The following CAMTA1 variants were observed in gnomAD, a reference collection of about 807,000 sequenced individuals.
CAMTA1 encodes the protein calmodulin-binding transcription activator 1.
Under a neutral mutation model 170.9 loss-of-function variants are expected in CAMTA1, and 27 were observed. That is an observed-to-expected ratio of 0.16 (90% confidence interval 0.12 to 0.22). The LOEUF is 0.22. Ranked by LOEUF, CAMTA1 falls within the 10% of genes least tolerant of loss-of-function variation. The pLI, the probability that CAMTA1 is intolerant of heterozygous loss-of-function variation, is 1.00. For synonymous variants in CAMTA1, 833 were observed against 891.5 expected (o/e 0.93, Z 1.17); for missense variants, 1,619 against 2,217.2 (o/e 0.73, Z 5.42).
At chr1:6,889,375 CAT>C (rs1453490801) in intron 3 of CAMTA1, among the ~76,000 whole-genome samples, 1 of 152,148 alleles carries the variant, frequency 6.6e-6, no homozygotes, top group African/African-American at 2.4e-5. Context: ...GCAAATAAAT[CAT>C]AAGCAGAGGA....
At chr1:6,787,782 C>T (rs1186642864) in intron 1 of CAMTA1, among the ~76,000 whole-genome samples, 1 of 152,180 alleles carries the variant, frequency 6.6e-6, no homozygotes, top group East Asian at 1.9e-4. Context: ...CCTGCCCATA[C>T]GCATCGCAAC....
At position 6,785,472 on chromosome 1, in the gene CAMTA1, C is replaced by CCGG. The variant is rs1247028928; in HGVS notation, c.-46_-44dup. The CCGG allele has an allele frequency of 5.2e-4, 521 of 998,174 alleles. 2 individuals are homozygous for CCGG. Among genetic ancestry groups the CCGG allele is most frequent in the Admixed American group, 5.2e-3 (84 of 16,134 alleles). 61.8% of individuals were successfully genotyped at this position (998,174 alleles called of 1,614,324 possible). Reference sequence around the variant, plus strand: ...GCGCGGCGGCGGCGGGGTGGCTGGGCCGGCGGCGGCGGCGGTACGAGGCGC... The same window carrying CCGG: ...GCGCGGCGGCGGCGGGGTGGCTGGGCCGGCGGCGGCGGCGGCGGTACGAGGCGC... On this transcript the variant is annotated 5_prime_UTR_variant, in exon 1 of 23. Coordinates refer to ENST00000303635, the MANE Select transcript of CAMTA1 (RefSeq NM_015215.4).
intron 6 of CAMTA1, among the ~76,000 whole-genome samples, chr1:7,483,166 A>G (rs2093565168): frequency 6.6e-6 from 1 of 152,318 alleles, no homozygotes; most frequent in Admixed American, 6.5e-5. Flanking sequence ...AGAGCAGGAA[A>G]GAGGCAGTGA....
At chr1:7,557,699 A>G (rs1352355504) in intron 6 of CAMTA1, among the ~76,000 whole-genome samples, 14 of 152,114 alleles carry the variant, frequency 9.2e-5, no homozygotes. Context: ...CTGGGCACCT[A>G]CCGTGTGCCA....
intron 4 of CAMTA1, among the ~76,000 whole-genome samples, chr1:7,177,211 C>T (rs889230380): frequency 1.3e-5 from 2 of 151,770 alleles, no homozygotes; most frequent in African/African-American, 4.8e-5. Flanking sequence ...AGGCTCCTCC[C>T]CACACAGTGA....
Position 6,887,789 on chromosome 1 carries a change from C to T in CAMTA1, c.234+62579C>T. 1 of 1,530,958 alleles carries T rather than the reference C, an allele frequency of 6.5e-7. No homozygotes were observed. The allele number at this position is 1,530,958 out of a possible 1,614,324, so 94.8% of individuals were successfully genotyped here. A position where few individuals can be genotyped will look rare whatever the true frequency, so the allele number is the denominator to read the frequency against. On this transcript the variant is annotated intron_variant, in intron 3 of 22. Coordinates refer to ENST00000303635, the MANE Select transcript of CAMTA1 (RefSeq NM_015215.4). The surrounding 1 kb of genome is among the most constrained non-coding windows in gnomAD (Gnocchi z 4.1). ...CTTTCCCATCCTGCCAGCCCCATGTCTGGCTTTAAGACAGTTCTATTAGTG... is the reference window on the plus strand; with the variant it reads ...CTTTCCCATCCTGCCAGCCCCATGTTTGGCTTTAAGACAGTTCTATTAGTG...
rs139652933 is a variant in CAMTA1 at position 6,845,784 on chromosome 1, G to A, written c.234+20574G>A. On this transcript the variant is annotated intron_variant, in intron 3 of 22. Transcript: ENST00000303635. ...TTAATGACAGACCTCAAGGTCTCCT[G>A]ACAGGTCTGGGAATAAGTTTTGAAA... is the stretch of plus-strand genomic sequence containing the variant. Among the ~76,000 whole-genome samples, 356 of 152,338 alleles carry A rather than the reference G, an allele frequency of 2.3e-3. 1 individual carries two copies. The highest frequency in any genetic ancestry group is 0.02 in the Middle Eastern group (6 of 294).
chr1:7,019,088 C>T (rs1257270835), intron 3 of CAMTA1, among the ~76,000 whole-genome samples: 1 of 152,184 alleles, frequency 6.6e-6, no homozygotes, highest in Non-Finnish European at 1.5e-5. Context: ...ACAAGGTGGC[C>T]CTGGCCCGGG....
At chr1:7,616,421 G>A (rs1051984481) in intron 6 of CAMTA1, among the ~76,000 whole-genome samples, 1 of 152,256 alleles carries the variant, frequency 6.6e-6, no homozygotes, top group Non-Finnish European at 1.5e-5. Flanking sequence ...ACCTTATACT[G>A]TTAGAAATGC....
chr1:6,922,859 C>T (rs975272606), intron 3 of CAMTA1, among the ~76,000 whole-genome samples: 2 of 151,988 alleles, frequency 1.3e-5, no homozygotes, highest in Admixed American at 6.6e-5. Flanking sequence ...TAATTTGGAG[C>T]GCTGGGATCT....
At chr1:7,710,432 T>A (rs1423571708) in intron 11 of CAMTA1, among the ~76,000 whole-genome samples, 1 of 151,536 alleles carries the variant, frequency 6.6e-6, no homozygotes, top group East Asian at 1.9e-4. Context: ...ACCTCATCTT[T>A]AAAAAAAATT....
intron 3 of CAMTA1, among the ~76,000 whole-genome samples, chr1:7,043,622 G>A (rs762499791): frequency 5.3e-5 from 8 of 152,136 alleles, no homozygotes; most frequent in Admixed American, 1.3e-4. Context: ...GTCCTCTTTG[G>A]TTGGTCATCT....
intron 16 of CAMTA1, among the ~76,000 whole-genome samples, chr1:7,741,147 C>T (rs2096810103): frequency 6.6e-6 from 1 of 151,996 alleles, no homozygotes; most frequent in African/African-American, 2.4e-5. Flanking sequence ...TTAACAAAAC[C>T]AGGGAGTGTA....
At chr1:6,793,711 TAGAG>T (rs933403471) in intron 1 of CAMTA1, among the ~76,000 whole-genome samples, 3 of 151,956 alleles carry the variant, frequency 2.0e-5, no homozygotes, top group Middle Eastern at 3.4e-3. Context: ...TCTTTCAACG[TAGAG>T]AGAGAGAGAA....
chr1:6,917,343 G>A (rs1364372051), intron 3 of CAMTA1, among the ~76,000 whole-genome samples: 1 of 152,124 alleles, frequency 6.6e-6, no homozygotes, highest in Non-Finnish European at 1.5e-5. Flanking sequence ...GCCGTGGAGG[G>A]CCTAGGAGAG....
rs956277620 is a variant in CAMTA1, at chr1:7,293,972, T to A, written c.438+44346T>A. ...CCACCTGTTAAAGCTTGCAAAGATA[T>A]CATCGGCAGGCATTTTCCCAGGGGA... On this transcript the variant is annotated intron_variant, in intron 5 of 22. Coordinates refer to ENST00000303635, the MANE Select transcript of CAMTA1 (RefSeq NM_015215.4). The surrounding 1 kb of genome is among the most constrained non-coding windows in gnomAD (Gnocchi z 4.1). Among the ~76,000 whole-genome samples the A allele has an allele frequency of 7.2e-5, 11 of 152,362 alleles. No homozygotes were observed. Among genetic ancestry groups the A allele is most frequent in the African/African-American group, 2.6e-4 (11 of 41,584 alleles).
At chr1:7,329,977 G>A (rs2082921479) in intron 5 of CAMTA1, among the ~76,000 whole-genome samples, 1 of 152,148 alleles carries the variant, frequency 6.6e-6, no homozygotes, top group Non-Finnish European at 1.5e-5. Context: ...GGTAACAACG[G>A]CCACAGATAG....
At chr1:7,308,324 C>T (rs555527927) in intron 5 of CAMTA1, among the ~76,000 whole-genome samples, 1 of 151,864 alleles carries the variant, frequency 6.6e-6, no homozygotes, top group East Asian at 1.9e-4. Flanking sequence ...CATTGATTTT[C>T]TCTATTTTTT....
chr1:7,586,136 C>T (rs975253499), intron 6 of CAMTA1, among the ~76,000 whole-genome samples: 2 of 152,090 alleles, frequency 1.3e-5, no homozygotes, highest in Non-Finnish European at 2.9e-5. Flanking sequence ...AGGCTCCACT[C>T]CCAGCCAGGC....
Sources: gnomAD v4.1 joint callset for allele counts (sites outside exome capture counted in the v4.1 genomes callset) on GRCh38, gnomAD v4.1.1 for gene constraint, Gnocchi (gnomAD v3.1) non-coding constraint, MANE v1.5 for transcripts, NCBI Gene and HGNC (gene_info 2026-07-23, HGNC 2026-07-21) for gene names.